CDH18: variants seen among roughly 807,000 people sequenced by gnomAD.
CDH18 encodes the protein cadherin 18.
A neutral mutation model predicts 67.9 loss-of-function variants in CDH18; 31 were observed. That is an observed-to-expected ratio of 0.46 (90% CI 0.34 to 0.62). The LOEUF (loss-of-function observed/expected upper bound fraction) is 0.62. Among genes scored for constraint, CDH18 ranks in the 20% least tolerant of loss-of-function variants. The pLI, the probability that CDH18 is intolerant of heterozygous loss-of-function variation, is 0.01. For synonymous variants in CDH18, 362 were observed against 347.2 expected (o/e 1.04, Z -0.48); for missense variants, 890 against 975.5 (o/e 0.91, Z 1.17).
intron 2 of CDH18, among the ~76,000 whole-genome samples, chr5:20,176,000 T>A (rs1330590789): frequency 1.3e-5 from 2 of 152,166 alleles, no homozygotes; most frequent in Non-Finnish European, 1.5e-5. Flanking sequence ...TGAGTAGAAG[T>A]TATGTATTAC....
At chr5:20,344,423 C>T (rs1304794726) in intron 1 of CDH18, among the ~76,000 whole-genome samples, 1 of 151,974 alleles carries the variant, frequency 6.6e-6, no homozygotes, top group Non-Finnish European at 1.5e-5. Context: ...GGGTAGATAC[C>T]TTTACTAACT....
chr5:20,111,749 T>C (rs2126346518), intron 2 of CDH18, among the ~76,000 whole-genome samples: 1 of 152,098 alleles, frequency 6.6e-6, no homozygotes, highest in South Asian at 2.1e-4. Flanking sequence ...TTCACCATGC[T>C]GGGCAGGATG....
intron 3 of CDH18, among the ~76,000 whole-genome samples, chr5:19,786,322 A>AT (rs148247122): frequency 2.2e-4 from 34 of 152,210 alleles, no homozygotes; most frequent in African/African-American, 6.5e-4. Flanking sequence ...TGAATATTCA[A>AT]TTTTTTTATT....
At chr5:20,334,128 A>ATTTTT (rs1390783093) in intron 1 of CDH18, among the ~76,000 whole-genome samples, 1 of 118,344 alleles carries the variant, frequency 8.4e-6, no homozygotes, top group African/African-American at 3.5e-5. Flanking sequence ...TCTGACTTGA[A>ATTTTT]TTCTTTTTTT....
chr5:19,782,793 T>C (rs1056915889), intron 3 of CDH18, among the ~76,000 whole-genome samples: 1 of 152,190 alleles, frequency 6.6e-6, no homozygotes, highest in Admixed American at 6.5e-5. Context: ...ATGATGTAAA[T>C]GTTTCTTCTT....
At chr5:19,885,571 C>G (rs1390727747) in intron 2 of CDH18, among the ~76,000 whole-genome samples, 4 of 152,068 alleles carry the variant, frequency 2.6e-5, no homozygotes, top group Admixed American at 6.6e-5. Flanking sequence ...CTTTAGAAAA[C>G]AAGAGTTCTA....
intron 1 of CDH18, among the ~76,000 whole-genome samples, chr5:20,348,374 G>C (rs992933805): frequency 1.3e-5 from 2 of 152,080 alleles, no homozygotes; most frequent in African/African-American, 4.8e-5. Context: ...AATGTAGGTT[G>C]ACAAGAAGCC....
rs905308015 is a variant in CDH18, at chr5:20,083,500, C to A, written c.-517-91486G>T. Among the ~76,000 whole-genome samples, 5 of 152,234 alleles carry A rather than the reference C, an allele frequency of 3.3e-5. 1 individual carries two copies. The highest frequency in any genetic ancestry group is 6.5e-5 in the Admixed American group (1 of 15,290). On this transcript the variant is annotated intron_variant, in intron 2 of 14. Transcript: ENST00000507958. ...GCATGTGCTCATATAATATGGAGAA[C>A]TTAATGAATGAATACTGTGTGTATT...
upstream of CDH18, among the ~76,000 whole-genome samples, chr5:19,988,877 G>C (rs548406804): frequency 7.9e-5 from 12 of 152,226 alleles, no homozygotes; most frequent in South Asian, 2.5e-3. Context: ...GTTTATATCA[G>C]ACAGAGCTTC....
chr5:20,450,743 A>T (rs1169957781), intron 1 of CDH18, among the ~76,000 whole-genome samples: 1 of 152,176 alleles, frequency 6.6e-6, no homozygotes, highest in African/African-American at 2.4e-5. Context: ...CACACTACAT[A>T]TGAAAAAACT....
chr5:19,982,561 TTTAA>T (rs2150364696), intron 1 of CDH18, among the ~76,000 whole-genome samples: 1 of 152,270 alleles, frequency 6.6e-6, no homozygotes, highest in Admixed American at 6.5e-5. Context: ...TTGTGATATT[TTTAA>T]TTATTTCCTA....
intron 2 of CDH18, among the ~76,000 whole-genome samples, chr5:19,868,893 G>C (rs1785905697): frequency 6.6e-6 from 1 of 152,100 alleles, no homozygotes; most frequent in South Asian, 2.1e-4. Flanking sequence ...GAGCAAGGAT[G>C]GGCTAAGGAA....
chr5:20,258,703 A>C (rs1744424214), intron 1 of CDH18, among the ~76,000 whole-genome samples: 1 of 152,014 alleles, frequency 6.6e-6, no homozygotes, highest in Admixed American at 6.6e-5. Context: ...GATGGTTTTG[A>C]TTATCATTAC....
intron 3 of CDH18, among the ~76,000 whole-genome samples, chr5:19,805,002 T>C (rs1021115732): frequency 6.6e-6 from 1 of 151,892 alleles, no homozygotes; most frequent in African/African-American, 2.4e-5. Flanking sequence ...TGAAGTCCCA[T>C]GGCACACAAT....
intron 2 of CDH18, among the ~76,000 whole-genome samples, chr5:20,177,759 C>G (rs1737355451): frequency 6.6e-6 from 1 of 151,992 alleles, no homozygotes; most frequent in African/African-American, 2.4e-5. Flanking sequence ...TGGTTTCCCC[C>G]ATACTGATCT....
intron 10 of CDH18, among the ~76,000 whole-genome samples, chr5:19,505,244 A>G (rs1231761317): frequency 6.6e-6 from 1 of 152,118 alleles, no homozygotes; most frequent in Non-Finnish European, 1.5e-5. Flanking sequence ...TTCTAGATAT[A>G]CAATTATGTC....
chr5:20,077,754 T>A (rs1011052446), intron 2 of CDH18, among the ~76,000 whole-genome samples: 1 of 152,198 alleles, frequency 6.6e-6, no homozygotes, highest in African/African-American at 2.4e-5. Context: ...TTACATTTGT[T>A]TAGTACTGTT....
intron 1 of CDH18, among the ~76,000 whole-genome samples, chr5:20,540,034 T>G (rs752535705): frequency 1.3e-5 from 2 of 152,194 alleles, no homozygotes; most frequent in Non-Finnish European, 2.9e-5. Flanking sequence ...TAACTTTTAG[T>G]GTCTGAATTA....
intron 2 of CDH18, among the ~76,000 whole-genome samples, chr5:19,900,045 T>C (rs1240417311): frequency 2.0e-5 from 3 of 152,134 alleles, no homozygotes; most frequent in Non-Finnish European, 4.4e-5. Context: ...AAATACTGTA[T>C]TGTGCAGTTA....
Sources: allele counts gnomAD v4.1 joint callset (sites outside exome capture counted in the v4.1 genomes callset), GRCh38; gene constraint gnomAD v4.1.1; transcripts MANE v1.5; gene names NCBI Gene and HGNC (gene_info 2026-07-23, HGNC 2026-07-21).